The following BACH2 variants were observed in gnomAD, a reference collection of about 807,000 sequenced individuals.
The protein encoded by BACH2 is BACH transcriptional regulator 2.
Under a neutral mutation model 61.8 loss-of-function variants are expected in BACH2, and 5 were observed. That is an observed-to-expected ratio of 0.08 (90% CI 0.04 to 0.17). The LOEUF is 0.17. Among genes scored for constraint, BACH2 ranks in the 10% least tolerant of loss-of-function variants. The probability of loss-of-function intolerance (pLI) is 1.00; values close to 1 mark genes in which losing one functional copy is unlikely to be tolerated. For missense variants in BACH2, 824 were observed against 1,091.1 expected (o/e 0.76, Z 3.45); for synonymous variants, 446 against 440.1 (o/e 1.01, Z -0.17).
intron 4 of BACH2, among the ~76,000 whole-genome samples, chr6:90,107,663 A>ATT (rs35319113): frequency 2.4e-4 from 33 of 134,760 alleles, no homozygotes; most frequent in Non-Finnish European, 3.7e-4. Flanking sequence ...TCTATTTGTG[A>ATT]TTTTTTTTTT....
At chr6:90,041,304 TATA>T (rs1001481474) in intron 5 of BACH2, among the ~76,000 whole-genome samples, 3 of 150,952 alleles carry the variant, frequency 2.0e-5, no homozygotes, top group Non-Finnish European at 3.0e-5. Flanking sequence ...AAATAATATA[TATA>T]ATAATAATTT....
At chr6:89,953,674 T>C (rs971328384) in intron 6 of BACH2, among the ~76,000 whole-genome samples, 1 of 152,214 alleles carries the variant, frequency 6.6e-6, no homozygotes, top group African/African-American at 2.4e-5. Context: ...GGTAAATACT[T>C]GTTAAAAGCT....
rs762921457 is a variant in BACH2 at position 89,950,174 on chromosome 6, C to A, written c.1836+96G>T. 12 of 1,393,528 alleles carry A rather than the reference C, an allele frequency of 8.6e-6. No homozygotes were observed. Among genetic ancestry groups the A allele is most frequent in the Admixed American group, 6.7e-5 (4 of 59,262 alleles). 86.3% of individuals were successfully genotyped at this position (1,393,528 alleles called of 1,614,324 possible). On this transcript the variant is annotated intron_variant, in intron 7 of 8. Transcript: ENST00000257749. This position sits in a 1 kb window ranked among gnomAD's most constrained non-coding sequence, Gnocchi z 5.3. ...TCTACTGTCATCTTTAATCTTAGCA[C>A]GTAAGAACAATGTGGGAGTGGTGGG...
intron 3 of BACH2, among the ~76,000 whole-genome samples, chr6:90,207,773 T>C (rs1769200925): frequency 6.6e-6 from 1 of 152,202 alleles, no homozygotes; most frequent in South Asian, 2.1e-4. Flanking sequence ...ATAACCATCT[T>C]TAGTTCTTAG....
intron 4 of BACH2, among the ~76,000 whole-genome samples, chr6:90,137,761 C>G (rs930451742): frequency 3.6e-4 from 54 of 152,108 alleles, no homozygotes; most frequent in Non-Finnish European, 6.6e-4. Flanking sequence ...CTCTGGTGCT[C>G]TCCCCAACCA....
chr6:90,047,309 A>G (rs962455623), intron 5 of BACH2, among the ~76,000 whole-genome samples: 4 of 152,156 alleles, frequency 2.6e-5, no homozygotes. Context: ...GGGGCCTATA[A>G]TGTAACTGTT....
intron 5 of BACH2, among the ~76,000 whole-genome samples, chr6:90,080,928 G>A (rs530650082): frequency 3.3e-5 from 5 of 152,196 alleles, no homozygotes; most frequent in Non-Finnish European, 7.4e-5. Context: ...CAGAACTTCT[G>A]ACTTGTGTTG....
chr6:90,263,351 C>T (rs1338544971), intron 2 of BACH2, among the ~76,000 whole-genome samples: 4 of 152,126 alleles, frequency 2.6e-5, no homozygotes, highest in Non-Finnish European at 5.9e-5. Flanking sequence ...ATATGGTTCC[C>T]CTCCCAAAGC....
intron 5 of BACH2, chr6:90,080,876 G>C (rs1393287493): frequency 1.5e-6 from 1 of 660,376 alleles, no homozygotes. Context: ...GCTCTGATGA[G>C]ATGTCTCAGA....
intron 3 of BACH2, among the ~76,000 whole-genome samples, chr6:90,249,410 T>C: frequency 6.6e-6 from 1 of 152,136 alleles, no homozygotes; most frequent in Non-Finnish European, 1.5e-5. Context: ...TAAGACACAT[T>C]TTGTGCCAAC....
chr6:90,242,419 C>A (rs1325304361), intron 3 of BACH2, among the ~76,000 whole-genome samples: 1 of 152,176 alleles, frequency 6.6e-6, no homozygotes, highest in Non-Finnish European at 1.5e-5. Flanking sequence ...GGCTTCATTG[C>A]TCATTTCTTT....
chr6:90,082,637 T>A (rs1781772116), intron 5 of BACH2, among the ~76,000 whole-genome samples: 1 of 152,200 alleles, frequency 6.6e-6, no homozygotes, highest in Non-Finnish European at 1.5e-5. Flanking sequence ...TAGGTTATAT[T>A]TGGGCAGCCA....
chr6:90,291,550 C>CA (rs61475226), intron 1 of BACH2, among the ~76,000 whole-genome samples: 20,550 of 78,322 alleles, frequency 0.26, 1,865 homozygotes, highest in East Asian at 0.52. Flanking sequence ...CCTGAACTGA[C>CA]AAAAAAAAAG....
chr6:90,022,250 A>G (rs893077403), intron 5 of BACH2, among the ~76,000 whole-genome samples: 2 of 152,234 alleles, frequency 1.3e-5, no homozygotes, highest in African/African-American at 4.8e-5. Flanking sequence ...ATCTGGTAAT[A>G]AACTTGTGGC....
chr6:90,046,088 C>G lies in BACH2; in HGVS notation c.-12-37232G>C, dbSNP rs772844042. On this transcript the variant is annotated intron_variant, in intron 5 of 8. Transcript: ENST00000257749. ...TGAAGCCTCAGTATCTCATGTCTTCCCCAGTGTCCCATCCACGTCTGAAAG... is the reference window on the plus strand; with the variant it reads ...TGAAGCCTCAGTATCTCATGTCTTCGCCAGTGTCCCATCCACGTCTGAAAG... Among the ~76,000 whole-genome samples, 64 of 152,254 alleles carry G rather than the reference C, an allele frequency of 4.2e-4. No homozygotes were observed. In the Middle Eastern group the frequency reaches 0.01, roughly 24 times the overall value.
At chr6:89,994,590 G>A (rs1167977437) in intron 6 of BACH2, among the ~76,000 whole-genome samples, 1 of 152,142 alleles carries the variant, frequency 6.6e-6, no homozygotes, top group African/African-American at 2.4e-5. Context: ...TTGGACGGAA[G>A]GGACCAGGAA....
chr6:90,176,060 CCTGA>C (rs1158960835), intron 4 of BACH2, among the ~76,000 whole-genome samples: 1 of 152,216 alleles, frequency 6.6e-6, no homozygotes, highest in Non-Finnish European at 1.5e-5. Flanking sequence ...CCTTCTGCCT[CCTGA>C]CTAACACGGG....
At chr6:90,189,337 G>C (rs1461499320) in intron 4 of BACH2, among the ~76,000 whole-genome samples, 2 of 151,068 alleles carry the variant, frequency 1.3e-5, no homozygotes. Context: ...GGCCGGGCGC[G>C]GTGGCTCACG....
chr6:90,116,818 G>A, intron 4 of BACH2: 1 of 513,126 alleles, frequency 1.9e-6, no homozygotes, highest in Non-Finnish European at 3.4e-6. Flanking sequence ...CTATGTAGAG[G>A]TGTTCTCACT....
Sources: gnomAD v4.1 joint callset for allele counts (sites outside exome capture counted in the v4.1 genomes callset) on GRCh38, gnomAD v4.1.1 for gene constraint, Gnocchi (gnomAD v3.1) non-coding constraint, MANE v1.5 for transcripts, NCBI Gene and HGNC (gene_info 2026-07-23, HGNC 2026-07-21) for gene names.